The following PTPRS variants were observed in gnomAD, a reference collection of about 807,000 sequenced individuals.
The protein encoded by PTPRS is receptor-type tyrosine-protein phosphatase S.
Under a neutral mutation model 215.3 loss-of-function variants are expected in PTPRS, and 63 were observed. The ratio of observed to expected loss-of-function variants is 0.29; its 90% CI spans 0.24 to 0.36. PTPRS has a LOEUF of 0.36. Among genes scored for constraint, PTPRS ranks in the 10% least tolerant of loss-of-function variants. The pLI, the probability that PTPRS is intolerant of heterozygous loss-of-function variation, is 1.00. For synonymous variants in PTPRS, 1,404 were observed against 1,191.4 expected (o/e 1.18, Z -3.68); for missense variants, 2,258 against 2,825.8 (o/e 0.80, Z 4.56).
At chr19:5,266,326 C>A (rs1178037329) in intron 4 of PTPRS, among the ~76,000 whole-genome samples, 2 of 151,952 alleles carry the variant, frequency 1.3e-5, no homozygotes, top group African/African-American at 2.4e-5. Context: ...ACCATGTTGC[C>A]CAGATTGGTC....
intron 3 of PTPRS, 85 bp downstream of exon 3, chr19:5,274,114 C>G: frequency 6.6e-7 from 1 of 1,520,830 alleles, no homozygotes; most frequent in East Asian, 2.3e-5. Context: ...GGGAACGTGT[C>G]CACGAAGTCC....
chr19:5,235,676 C>T (rs1346510511), intron 13 of PTPRS, among the ~76,000 whole-genome samples: 5 of 152,196 alleles, frequency 3.3e-5, no homozygotes, highest in African/African-American at 1.2e-4. Flanking sequence ...TTATAAACTG[C>T]TAATAGCTTC....
At chr19:5,327,605 A>G (rs2050204326) in intron 1 of PTPRS, among the ~76,000 whole-genome samples, 1 of 152,052 alleles carries the variant, frequency 6.6e-6, no homozygotes, top group African/African-American at 2.4e-5. Flanking sequence ...GGCCTGGCTC[A>G]GTTCTTTTTG....
At chr19:5,319,145 C>T (rs1313708219) in intron 1 of PTPRS, among the ~76,000 whole-genome samples, 2 of 152,190 alleles carry the variant, frequency 1.3e-5, no homozygotes, top group East Asian at 3.9e-4. Flanking sequence ...GGCGCAGTGG[C>T]TCACATCTGG....
At position 5,238,908 on chromosome 19, in the gene PTPRS, G is replaced by A. The variant is rs536975964; in HGVS notation, c.1849+11C>T. On this transcript the variant is annotated intron_variant, in intron 13 of 37. Transcript: ENST00000262963. ...CTCCCGCAGAGAAGGGCGGCCCCGC[G>A]AGACACCTACTGGACTGCAGCGTGC... 7.2e-5 allele frequency: 114 copies of A among 1,577,498 alleles called. No individual in the cohort carries two copies. Among genetic ancestry groups the A allele is most frequent in the South Asian group, 6.8e-4 (59 of 87,328 alleles).
At chr19:5,242,961 C>T (rs1190112609) in intron 11 of PTPRS, among the ~76,000 whole-genome samples, 1 of 151,954 alleles carries the variant, frequency 6.6e-6, no homozygotes, top group Non-Finnish European at 1.5e-5. Flanking sequence ...GCTGAGATTA[C>T]AGACATGAGC....
At chr19:5,300,586 T>C (rs2049270725) in intron 1 of PTPRS, among the ~76,000 whole-genome samples, 1 of 151,548 alleles carries the variant, frequency 6.6e-6, no homozygotes, top group Non-Finnish European at 1.5e-5. Flanking sequence ...GCCTGGGCAA[T>C]ATAGTGAGAC....
intron 1 of PTPRS, among the ~76,000 whole-genome samples, chr19:5,321,007 A>G (rs2050010755): frequency 6.6e-6 from 1 of 152,024 alleles, no homozygotes; most frequent in South Asian, 2.1e-4. Flanking sequence ...CATGCCTGTA[A>G]TCCCAGCACT....
chr19:5,327,422 G>A (rs1183572371), intron 1 of PTPRS, among the ~76,000 whole-genome samples: 1 of 152,108 alleles, frequency 6.6e-6, no homozygotes, highest in African/African-American at 2.4e-5. Flanking sequence ...GCCCTGGAGG[G>A]TGAAACCACT....
At chr19:5,270,633 G>A (rs1403279009) in intron 4 of PTPRS, among the ~76,000 whole-genome samples, 4 of 151,866 alleles carry the variant, frequency 2.6e-5, no homozygotes, top group African/African-American at 4.8e-5. Context: ...TAAAAAGCAC[G>A]GGGCCTTTCT....
chr19:5,274,291 C>T lies in PTPRS; in HGVS notation c.145G>A (p.Val49Met). 6.2e-7 allele frequency: 1 copy of T among 1,613,914 alleles called. No individual in the cohort carries two copies. Among genetic ancestry groups the T allele is most frequent in the Non-Finnish European group, 8.5e-7 (1 of 1,179,948 alleles). ...GTGGCCTGACACACGAAAGAGGCCA[C>T]ACCCCCCGACACGCCGATCTGGTCC... is the stretch of plus-strand genomic sequence containing the variant. ...PKDQIGVSGG[V>M]ASFVCQATGD... The change falls in exon 3 of 38, where the codon GTG (valine) becomes ATG (methionine). Residue 49 changes from valine to methionine, a missense_variant. Coordinates refer to ENST00000262963, the MANE Select transcript of PTPRS (RefSeq NM_002850.4).
At chr19:5,215,942 C>T (rs2041400477) in intron 26 of PTPRS, among the ~76,000 whole-genome samples, 1 of 152,156 alleles carries the variant, frequency 6.6e-6, no homozygotes, top group African/African-American at 2.4e-5. Flanking sequence ...ATGTCAAGCT[C>T]CCAGTGCCTC....
intron 19 of PTPRS, 83 bp downstream of exon 19, chr19:5,222,039 CA>C: frequency 8.7e-7 from 1 of 1,149,528 alleles, no homozygotes; most frequent in Non-Finnish European, 1.3e-6. Flanking sequence ...CACTTCACAC[CA>C]ACTCCAAACT....
At chr19:5,315,400 A>C in intron 1 of PTPRS, among the ~76,000 whole-genome samples, 1 of 114,990 alleles carries the variant, frequency 8.7e-6, no homozygotes, top group African/African-American at 3.5e-5. Flanking sequence ...GTCTCACTCC[A>C]TCACCCAGGC....
chr19:5,278,734 C>G (rs1049277479), intron 2 of PTPRS, among the ~76,000 whole-genome samples: 19 of 152,194 alleles, frequency 1.2e-4, no homozygotes, highest in Non-Finnish European at 2.2e-4. Context: ...CTCAGCCTCC[C>G]AAAGTGCTGG....
rs1459253198 is a variant in PTPRS, at chr19:5,237,310, C to G, written c.1849+1609G>C. Among the ~76,000 whole-genome samples the G allele has an allele frequency of 2.6e-5, 4 of 152,252 alleles. No individual in the cohort carries two copies. The highest frequency in any genetic ancestry group is 4.4e-5 in the Non-Finnish European group (3 of 68,050). On this transcript the variant is annotated intron_variant, in intron 13 of 37. Transcript: ENST00000262963. The surrounding 1 kb of genome is among the most constrained non-coding windows in gnomAD (Gnocchi z 4.2). ...GCAGTCCCCGGGGGGATGGATACGC[C>G]TGGCCCTGAGTCTTTGCTGTCGGTT...
At chr19:5,274,411 G>A in intron 2 of PTPRS, 67 bp from the exon 3 acceptor site, 17 of 1,516,236 alleles carry the variant, frequency 1.1e-5, no homozygotes, top group Non-Finnish European at 1.5e-5. Flanking sequence ...ATACCAAGGA[G>A]CCACGAAAAC....
intron 37 of PTPRS, among the ~76,000 whole-genome samples, chr19:5,207,338 G>T (rs546342021): frequency 6.6e-6 from 1 of 152,322 alleles, no homozygotes; most frequent in East Asian, 1.9e-4. Context: ...GCCTGCCTTG[G>T]CCTCCCAAAG....
intron 1 of PTPRS, among the ~76,000 whole-genome samples, chr19:5,319,444 C>T (rs1460582169): frequency 1.3e-5 from 2 of 148,548 alleles, no homozygotes; most frequent in African/African-American, 4.9e-5. Flanking sequence ...AAAAAGCTAT[C>T]CCAAATCCAC....
Sources: allele counts gnomAD v4.1 joint callset (sites outside exome capture counted in the v4.1 genomes callset), GRCh38; gene constraint gnomAD v4.1.1; non-coding constraint Gnocchi (gnomAD v3.1); transcripts MANE v1.5; gene names NCBI Gene and HGNC (gene_info 2026-07-23, HGNC 2026-07-21).